Variants in BAIAP2L1 observed in about 807,000 individuals in gnomAD.
BAIAP2L1 encodes BAR/IMD domain containing adaptor protein 2 like 1, also known as BAR/IMD domain-containing adapter protein 2-like 1.
Under a neutral mutation model 66.3 loss-of-function variants are expected in BAIAP2L1, and 35 were observed. That is an observed-to-expected ratio of 0.53 (90% CI 0.40 to 0.70). The LOEUF is 0.70. BAIAP2L1 is among the 30% of genes least tolerant of loss of function. The pLI, the probability that BAIAP2L1 is intolerant of heterozygous loss-of-function variation, is 0.00. For synonymous variants in BAIAP2L1, 269 were observed against 248.7 expected, an observed-to-expected ratio of 1.08 and a Z score of -0.77; for missense variants, 622 against 656.9, an observed-to-expected ratio of 0.95 and a Z score of 0.58.
chr7:98,323,963 T>G (rs572350214), intron 3 of BAIAP2L1, among the ~76,000 whole-genome samples: 1 of 152,252 alleles, frequency 6.6e-6, no homozygotes, highest in South Asian at 2.1e-4. Flanking sequence ...GATGCCACAT[T>G]GGTTTGTTTG....
At chr7:98,304,574 G>A (rs1246893127) in intron 11 of BAIAP2L1, among the ~76,000 whole-genome samples, 198 bp from the exon 12 acceptor site, 7 of 152,062 alleles carry the variant, frequency 4.6e-5, no homozygotes, top group Admixed American at 6.6e-5. Flanking sequence ...TTGCGACAGA[G>A]TCTCACTCTG....
chr7:98,318,377 C>T (rs1481604883), intron 5 of BAIAP2L1, among the ~76,000 whole-genome samples: 1 of 151,898 alleles, frequency 6.6e-6, no homozygotes, highest in Non-Finnish European at 1.5e-5. Context: ...CACTCTCTGC[C>T]TCCCGGGTTC....
rs79782061 is a variant in BAIAP2L1, at chr7:98,315,655, G to A, written c.487-43C>T. On this transcript the variant is annotated intron_variant, in intron 6 of 13. Transcript: ENST00000005260. ...ATAATAATAATAATTATATAAGCAT[G>A]ACATGAGCATCAGATAGCGTGCAGC... is the stretch of plus-strand genomic sequence containing the variant. 2.5e-4 allele frequency: 252 copies of A among 1,015,220 alleles called. No individual in the cohort carries two copies. In the East Asian group the frequency reaches 8.3e-3, roughly 33 times the overall value. 62.9% of individuals were successfully genotyped at this position (1,015,220 alleles called of 1,614,324 possible).
intron 2 of BAIAP2L1, among the ~76,000 whole-genome samples, chr7:98,356,994 C>CAAAAAAA (rs1171832329): frequency 0.054 from 132 of 2,426 alleles, 54 homozygotes; most frequent in South Asian, 0.12. Context: ...GCCCCTGTCT[C>CAAAAAAA]AAAAAAAAAA....
Position 98,400,884 on chromosome 7 carries a change from G to C in BAIAP2L1, c.-32C>G, listed in dbSNP as rs1196737475. 1 of 1,532,108 alleles carries C rather than the reference G, an allele frequency of 6.5e-7. No homozygotes were observed. Among genetic ancestry groups the C allele is most frequent in the African/African-American group, 1.4e-5 (1 of 70,644 alleles). The allele number at this position is 1,532,108 out of a possible 1,614,324, so 94.9% of individuals were successfully genotyped here. A position where few individuals can be genotyped will look rare whatever the true frequency, so the allele number is the denominator to read the frequency against. ...GGCCGCCGGGCGAGCAAGCGCGGGA[G>C]GACGCGGCTGGGCCTCGTGGCCGCC... On this transcript the variant is annotated 5_prime_UTR_variant, in exon 1 of 14. Coordinates refer to ENST00000005260, the MANE Select transcript of BAIAP2L1 (RefSeq NM_018842.5).
chr7:98,392,843 A>C (rs1306387438), intron 1 of BAIAP2L1, among the ~76,000 whole-genome samples: 1 of 150,794 alleles, frequency 6.6e-6, no homozygotes, highest in Non-Finnish European at 1.5e-5. Flanking sequence ...CCCAGGCTGG[A>C]GTACAGTGGT....
intron 3 of BAIAP2L1, among the ~76,000 whole-genome samples, chr7:98,349,023 G>A (rs183837943): frequency 2.0e-5 from 3 of 152,346 alleles, no homozygotes; most frequent in African/African-American, 7.2e-5. Flanking sequence ...TGCAACCCAG[G>A]CAGCACCCAT....
chr7:98,362,291 A>G (rs1802285155), intron 2 of BAIAP2L1, 66 bp downstream of exon 2: 12 of 1,255,226 alleles, frequency 9.6e-6, no homozygotes, highest in Non-Finnish European at 1.4e-5. Context: ...AATACTAAGC[A>G]TTTAAAAATA....
Position 98,364,986 on chromosome 7 carries a change from CAAAAAAAAAAAAAAA to C in BAIAP2L1, c.52-2569_52-2555del, listed in dbSNP as rs531177927. 1.1e-3 allele frequency among the ~76,000 whole-genome samples: 34 copies of C among 30,800 alleles called. 1 individual carries two copies. The highest frequency in any genetic ancestry group is 2.1e-3 in the African/African-American group (16 of 7,724). 20.2% of individuals were successfully genotyped at this position (30,800 alleles called of 152,430 possible). ...TGGGTGACAGAGTGAGGATATGTCT[CAAAAAAAAAAAAAAA>C]AAAAAAAAAAAAAAAAAAGAGCTAT... On this transcript the variant is annotated intron_variant, in intron 1 of 13. Coordinates refer to ENST00000005260, the MANE Select transcript of BAIAP2L1 (RefSeq NM_018842.5).
intron 3 of BAIAP2L1, among the ~76,000 whole-genome samples, chr7:98,332,880 CA>C (rs1322292032): frequency 7.3e-5 from 11 of 151,624 alleles, no homozygotes; most frequent in Non-Finnish European, 1.6e-4. Flanking sequence ...GCCCCATCTG[CA>C]CCCGGGGTTA....
chr7:98,294,206 T>A, intron 12 of BAIAP2L1, 95 bp from the exon 13 acceptor site: 1 of 1,372,726 alleles, frequency 7.3e-7, no homozygotes, highest in Non-Finnish European at 1.0e-6. Context: ...TTGCCCAGGC[T>A]GGTTTCGAAC....
intron 1 of BAIAP2L1, among the ~76,000 whole-genome samples, chr7:98,368,503 C>G (rs1002240563): frequency 3.3e-5 from 5 of 151,932 alleles, no homozygotes; most frequent in Non-Finnish European, 5.9e-5. Flanking sequence ...CCATTCTGGC[C>G]AACATGGTGA....
At chr7:98,305,321 TAA>T (rs10708312) in intron 11 of BAIAP2L1, among the ~76,000 whole-genome samples, 153 of 148,042 alleles carry the variant, frequency 1.0e-3, no homozygotes, top group Non-Finnish European at 1.0e-3. Flanking sequence ...AGCTAAGAGT[TAA>T]AAAAAAAAAA....
chr7:98,396,525 G>C (rs1459130899), intron 1 of BAIAP2L1, among the ~76,000 whole-genome samples: 2 of 152,138 alleles, frequency 1.3e-5, no homozygotes, highest in African/African-American at 4.8e-5. Flanking sequence ...ACAAACAAAG[G>C]CATGGTAAGT....
intron 3 of BAIAP2L1, among the ~76,000 whole-genome samples, chr7:98,326,219 G>C (rs1328173751): frequency 6.6e-6 from 1 of 152,218 alleles, no homozygotes; most frequent in Non-Finnish European, 1.5e-5. Context: ...TGAGGTTACA[G>C]TGAGCCATGA....
intron 11 of BAIAP2L1, among the ~76,000 whole-genome samples, chr7:98,305,040 G>GT (rs1386050479): frequency 1.1e-3 from 93 of 87,100 alleles, no homozygotes; most frequent in South Asian, 2.7e-3. Context: ...TAATTTTTTT[G>GT]TTTTTTGTTT....
intron 3 of BAIAP2L1, among the ~76,000 whole-genome samples, chr7:98,325,808 A>C (rs1178327742): frequency 6.6e-6 from 1 of 152,272 alleles, no homozygotes; most frequent in Non-Finnish European, 1.5e-5. Flanking sequence ...GCTCCCCAGC[A>C]CACACACGGG....
Position 98,310,481 on chromosome 7 carries a change from C to T in BAIAP2L1, c.919G>A (p.Ala307Thr). Residue 307 changes from alanine (A) to threonine (T), a missense_variant, in exon 9 of 14, where the codon GCT becomes ACT. Ala to Thr is a moderately conservative substitution (Grantham distance 58). Transcript: ENST00000005260. ...LIDMFNNPAT[A>T]APNSQRVNNS... ...TTTACCCTTTGTGAATTCGGGGCAG[C>T]CGTGGCTGGGTTATTAAACATATCG... 6.2e-7 allele frequency: 1 copy of T among 1,603,670 alleles called. No homozygotes were observed. The highest frequency in any genetic ancestry group is 8.5e-7 in the Non-Finnish European group (1 of 1,176,694).
At position 98,393,879 on chromosome 7, in the gene BAIAP2L1, G is replaced by A. The variant is rs574016960; in HGVS notation, c.51+6923C>T. On this transcript the variant is annotated intron_variant, in intron 1 of 13. Transcript: ENST00000005260. ...AGCACTTTGGGAGGCCGAGGCGGGC[G>A]GATCACCTGAAGTCGGGAGTTCGAG... is the stretch of plus-strand genomic sequence containing the variant. 8.5e-4 allele frequency among the ~76,000 whole-genome samples: 126 copies of A among 147,708 alleles called. 3 individuals carry two copies. In the South Asian group the frequency reaches 0.013, roughly 15 times the overall value.
Sources: gnomAD v4.1 joint callset for allele counts (sites outside exome capture counted in the v4.1 genomes callset) on GRCh38, gnomAD v4.1.1 for gene constraint, MANE v1.5 for transcripts, NCBI Gene and HGNC (gene_info 2026-07-23, HGNC 2026-07-21) for gene names.